The following OPCML variants were observed in gnomAD, a reference collection of about 807,000 sequenced individuals.
OPCML encodes the protein opioid binding protein/cell adhesion molecule like, also known as opioid-binding protein/cell adhesion molecule.
Under a neutral mutation model 37.8 loss-of-function variants are expected in OPCML, and 13 were observed. That is an observed-to-expected ratio of 0.34 (90% CI 0.22 to 0.55). OPCML has a LOEUF of 0.55. Ranked by LOEUF, OPCML falls within the 20% of genes least tolerant of loss-of-function variation. OPCML has a pLI of 0.91. For synonymous variants in OPCML, 176 were observed against 168.8 expected (o/e 1.04, Z -0.33); for missense variants, 341 against 435.6 (o/e 0.78, Z 1.93).
intron 1 of OPCML, among the ~76,000 whole-genome samples, chr11:132,952,371 C>A (rs368175336): frequency 2.0e-5 from 3 of 152,300 alleles, no homozygotes; most frequent in African/African-American, 2.4e-5. Flanking sequence ...GGATGAGACA[C>A]AAGTACTGTC....
At chr11:132,555,059 G>T (rs776554725) in intron 3 of OPCML, among the ~76,000 whole-genome samples, 1 of 151,916 alleles carries the variant, frequency 6.6e-6, no homozygotes, top group South Asian at 2.1e-4. Context: ...GGAGCACTGC[G>T]TGATGAAGAC....
rs1223785602 is a variant in OPCML, at chr11:133,173,482, T to C, written c.62-230472A>G. On this transcript the variant is annotated intron_variant, in intron 1 of 7. Coordinates refer to ENST00000524381, the MANE Select transcript of OPCML (RefSeq NM_001012393.5). This position sits in a 1 kb window ranked among gnomAD's most constrained non-coding sequence, Gnocchi z 7.8. ...CAACCACTAGCCACAGATGGATTCC[T>C]AGAATCTACAGCAGAGTGTCCCCAA... 6.6e-6 allele frequency among the ~76,000 whole-genome samples: 1 copy of C among 152,210 alleles called. No individual in the cohort carries two copies. Among genetic ancestry groups the C allele is most frequent in the Non-Finnish European group, 1.5e-5 (1 of 68,042 alleles).
chr11:132,693,201 G>A (rs1943471551), intron 2 of OPCML, among the ~76,000 whole-genome samples: 1 of 152,182 alleles, frequency 6.6e-6, no homozygotes, highest in African/African-American at 2.4e-5. Context: ...ATTAAACTTT[G>A]ATTTCAGACG....
intron 1 of OPCML, among the ~76,000 whole-genome samples, chr11:132,994,251 C>G (rs910205118): frequency 2.0e-5 from 3 of 152,154 alleles, no homozygotes; most frequent in Non-Finnish European, 2.9e-5. Flanking sequence ...CGCGGGAGCA[C>G]GTCCGGGGCT....
chr11:132,476,119 AC>A (rs2096154604), intron 4 of OPCML, among the ~76,000 whole-genome samples: 2 of 152,230 alleles, frequency 1.3e-5, no homozygotes, highest in Admixed American at 1.3e-4. Context: ...CACTATATTT[AC>A]ATGCAAATTT....
intron 1 of OPCML, among the ~76,000 whole-genome samples, chr11:133,059,961 C>A (rs1015767598): frequency 6.6e-6 from 1 of 152,190 alleles, no homozygotes; most frequent in Non-Finnish European, 1.5e-5. Flanking sequence ...ATTATCTTTA[C>A]AGCTGTTGAT....
At chr11:133,407,500 G>A (rs1426103576) in intron 1 of OPCML, among the ~76,000 whole-genome samples, 1 of 151,974 alleles carries the variant, frequency 6.6e-6, no homozygotes, top group Non-Finnish European at 1.5e-5. Flanking sequence ...CTCCCTTCCA[G>A]TCTCCCCAGC....
intron 1 of OPCML, among the ~76,000 whole-genome samples, chr11:133,394,306 T>C (rs1945240720): frequency 6.6e-6 from 1 of 152,246 alleles, no homozygotes; most frequent in Non-Finnish European, 1.5e-5. Context: ...GGTATATATG[T>C]ATGGGTTACA....
At chr11:133,526,085 G>A (rs557286194) in intron 1 of OPCML, among the ~76,000 whole-genome samples, 7 of 152,360 alleles carry the variant, frequency 4.6e-5, no homozygotes, top group Non-Finnish European at 5.9e-5. Context: ...GGTCTGGGGT[G>A]GGGGTGGCGA....
In OPCML at chr11:132,688,685, A is replaced by G. The variant is rs964105942; in HGVS notation, c.147-31366T>C. ...GAGAGCATATTATCTAATAGATACAAAATATAAAAATAGATTGGGAGGCCG... is the reference window on the plus strand; with the variant it reads ...GAGAGCATATTATCTAATAGATACAGAATATAAAAATAGATTGGGAGGCCG... On this transcript the variant is annotated intron_variant, in intron 2 of 7. Transcript: ENST00000524381. Among the ~76,000 whole-genome samples the G allele has an allele frequency of 2.8e-5, 3 of 106,322 alleles. 1 individual carries two copies. Among genetic ancestry groups the G allele is most frequent in the Non-Finnish European group, 4.0e-5 (2 of 50,246 alleles). The allele number at this position is 106,322 out of a possible 152,430, so 69.8% of individuals were successfully genotyped here. A position where few individuals can be genotyped will look rare whatever the true frequency, so the allele number is the denominator to read the frequency against.
At chr11:133,361,522 GCACCCGTGTCCCGGCGCGCAGA>G in intron 1 of OPCML, 1 of 155,400 alleles carries the variant, frequency 6.4e-6, no homozygotes, top group Non-Finnish European at 1.4e-5. Flanking sequence ...GCGCATCAGT[GCACCCGTGTCCCGGCGCGCAGA>G]CAGGTCCGGG....
intron 1 of OPCML, among the ~76,000 whole-genome samples, chr11:133,097,883 A>G (rs1208236933): frequency 6.6e-6 from 1 of 152,228 alleles, no homozygotes; most frequent in African/African-American, 2.4e-5. Context: ...TAGTTTAATA[A>G]AGCAAAAGGA....
chr11:133,114,621 G>T (rs1483328978), intron 1 of OPCML, among the ~76,000 whole-genome samples: 1 of 152,040 alleles, frequency 6.6e-6, no homozygotes, highest in East Asian at 1.9e-4. Flanking sequence ...TGGCCTAACT[G>T]CTCCCCTCCA....
At chr11:132,742,937 G>A (rs574637265) in intron 2 of OPCML, among the ~76,000 whole-genome samples, 5 of 152,016 alleles carry the variant, frequency 3.3e-5, no homozygotes, top group South Asian at 4.2e-4. Flanking sequence ...AGGTTGAGTC[G>A]GAATTCCAGG....
chr11:132,564,979 G>C (rs951037978), intron 3 of OPCML, among the ~76,000 whole-genome samples: 6 of 152,148 alleles, frequency 3.9e-5, no homozygotes, highest in Non-Finnish European at 7.4e-5. Context: ...GAACAACAAT[G>C]GCAAATCTCA....
chr11:132,789,051 C>T (rs995243331), intron 2 of OPCML, among the ~76,000 whole-genome samples: 4 of 140,190 alleles, frequency 2.9e-5, no homozygotes, highest in Non-Finnish European at 6.7e-5. Context: ...TACGTGCACC[C>T]GACAAACATT....
At chr11:133,101,128 T>C (rs1949079507) in intron 1 of OPCML, among the ~76,000 whole-genome samples, 1 of 152,156 alleles carries the variant, frequency 6.6e-6, no homozygotes, top group South Asian at 2.1e-4. Context: ...TTTCACCATA[T>C]TGGCCAGGCT....
chr11:133,418,168 C>T (rs1379671098), intron 1 of OPCML: 1 of 985,278 alleles, frequency 1.0e-6, no homozygotes. Context: ...GGAAAATACT[C>T]TCGCCTGTCT....
In OPCML at chr11:133,004,979, C is replaced by A. The variant is rs188200762; in HGVS notation, c.62-61969G>T. ...TAGTCTACATCATGGTCCTTCCCAC[C>A]TGGACTGCTGCACTCTTACTCCTCC... On this transcript the variant is annotated intron_variant, in intron 1 of 7. Transcript: ENST00000524381. The A allele has an allele frequency of 1.4e-4, 140 of 985,402 alleles. 1 individual carries two copies. The Admixed American group carries it at 7.1e-3, about 50-fold the overall frequency. 61.0% of individuals were successfully genotyped at this position (985,402 alleles called of 1,614,324 possible). A position where few individuals can be genotyped will look rare whatever the true frequency, so the allele number is the denominator to read the frequency against.
Sources: allele counts gnomAD v4.1 joint callset (sites outside exome capture counted in the v4.1 genomes callset), GRCh38; gene constraint gnomAD v4.1.1; non-coding constraint Gnocchi (gnomAD v3.1); transcripts MANE v1.5; gene names NCBI Gene and HGNC (gene_info 2026-07-23, HGNC 2026-07-21).